The following TMEM245 variants were observed in gnomAD, a reference collection of about 807,000 sequenced individuals.
TMEM245 encodes the protein protein CG-2.
A neutral mutation model predicts 101.2 loss-of-function variants in TMEM245; 69 were observed. That is an observed-to-expected ratio of 0.68 (90% CI 0.56 to 0.83). The LOEUF (loss-of-function observed/expected upper bound fraction) is 0.83, where lower values mean the gene tolerates loss of function less well. TMEM245 is among the 40% of genes least tolerant of loss of function. The probability of loss-of-function intolerance (pLI) is 0.00; values close to 1 mark genes in which losing one functional copy is unlikely to be tolerated. For synonymous variants in TMEM245, 537 were observed against 449.8 expected (o/e 1.19, Z -2.45); for missense variants, 1,075 against 1,092.8 (o/e 0.98, Z 0.23).
rs1339630337 is a variant in TMEM245, at chr9:109,020,244, C to T, written c.*216G>A. On this transcript the variant is annotated 3_prime_UTR_variant, in exon 18 of 18. Coordinates refer to ENST00000374586, the MANE Select transcript of TMEM245 (RefSeq NM_032012.4). ...CTTAACAACAGTTAAGTGAGCAAAC[C>T]ACCAACTCTGAACTCTCAAGCTGTG... is the stretch of plus-strand genomic sequence containing the variant. 7 of 601,844 alleles carry T rather than the reference C, an allele frequency of 1.2e-5. No homozygotes were observed. The highest frequency in any genetic ancestry group is 7.5e-5 in the African/African-American group (4 of 53,508). 37.3% of individuals were successfully genotyped at this position (601,844 alleles called of 1,614,324 possible).
intron 7 of TMEM245, among the ~76,000 whole-genome samples, chr9:109,083,342 G>A (rs551294537): frequency 6.6e-6 from 1 of 152,306 alleles, no homozygotes; most frequent in African/African-American, 2.4e-5. Context: ...ATCTCACGAG[G>A]CTGATCCTGT....
At chr9:109,113,463 A>G (rs781511529) in intron 1 of TMEM245, among the ~76,000 whole-genome samples, 1 of 152,220 alleles carries the variant, frequency 6.6e-6, no homozygotes, top group Admixed American at 6.5e-5. Flanking sequence ...CCAAAACAAC[A>G]TGTCCTTTTC....
Position 109,057,247 on chromosome 9 carries a change from G to C in TMEM245, c.1798C>G (p.Leu600Val), listed in dbSNP as rs1223483563. The C allele has an allele frequency of 6.2e-7, 1 of 1,614,104 alleles. No individual in the cohort carries two copies. The highest frequency in any genetic ancestry group is 1.1e-5 in the South Asian group (1 of 91,072). The change falls in exon 12 of 18, where the codon CTG (leucine) becomes GTG (valine). Residue 600 changes from leucine (L) to valine (V), a missense_variant. By Grantham distance (32) the Leu-to-Val change is conservative (BLOSUM62 1). Coordinates refer to ENST00000374586, the MANE Select transcript of TMEM245 (RefSeq NM_032012.4). ...SRQNSWLGDI[L>V]DWQDIVSFVH... ...AAGGAAACAATATCCTGCCAGTCCAGAATGTCTCCCAGCCAGCTATTCTGA... is the reference window on the plus strand; with the variant it reads ...AAGGAAACAATATCCTGCCAGTCCACAATGTCTCCCAGCCAGCTATTCTGA...
Position 109,119,672 on chromosome 9 carries a change from A to AG in TMEM245, c.241dup (p.Leu81ProfsTer134). ...TAGCACGGCCCAGAGCAGCGGCCGC[A>AG]GGAAGGCCTCCAGGATGAAGTAGAC... On this transcript the variant is annotated frameshift_variant, in exon 1 of 18. Coordinates refer to ENST00000374586, the MANE Select transcript of TMEM245 (RefSeq NM_032012.4). LOFTEE classifies it high-confidence loss of function. 6.4e-7 allele frequency: 1 copy of AG among 1,556,522 alleles called. No homozygotes were observed. Among genetic ancestry groups the AG allele is most frequent in the Non-Finnish European group, 8.7e-7 (1 of 1,152,974 alleles).
chr9:109,049,616 T>G (rs529073943), intron 14 of TMEM245, among the ~76,000 whole-genome samples: 2 of 152,164 alleles, frequency 1.3e-5, no homozygotes, highest in South Asian at 4.2e-4. Context: ...CACTTAAGGT[T>G]AGGAGTTTGA....
chr9:109,061,743 A>G (rs1374153169), intron 10 of TMEM245, among the ~76,000 whole-genome samples: 1 of 151,780 alleles, frequency 6.6e-6, no homozygotes, highest in Non-Finnish European at 1.5e-5. Context: ...TAATTTTTGT[A>G]TTTTTAGTAG....
chr9:109,075,955 T>A (rs1481203508), intron 8 of TMEM245, among the ~76,000 whole-genome samples: 1 of 152,226 alleles, frequency 6.6e-6, no homozygotes, highest in African/African-American at 2.4e-5. Context: ...TTTTCCTTTT[T>A]CAAATATAAG....
intron 5 of TMEM245, among the ~76,000 whole-genome samples, chr9:109,088,089 A>G (rs1453940899): frequency 2.6e-5 from 4 of 152,194 alleles, no homozygotes; most frequent in African/African-American, 9.6e-5. Context: ...GGCCAGAAAG[A>G]AGTGTTACTC....
chr9:109,085,222 T>C (rs754622152), intron 7 of TMEM245, among the ~76,000 whole-genome samples: 10 of 152,250 alleles, frequency 6.6e-5, no homozygotes, highest in Non-Finnish European at 1.2e-4. Context: ...CCTTCTGCCC[T>C]AGCATCCTGG....
In TMEM245 at chr9:109,119,935, CCCGA is replaced by C; in HGVS notation, c.-26_-23del. 1 of 1,292,456 alleles carries C rather than the reference CCCGA, an allele frequency of 7.7e-7. No individual in the cohort carries two copies. The highest frequency in any genetic ancestry group is 9.8e-7 in the Non-Finnish European group (1 of 1,024,216). The allele number at this position is 1,292,456 out of a possible 1,614,324, so 80.1% of individuals were successfully genotyped here. A position where few individuals can be genotyped will look rare whatever the true frequency, so the allele number is the denominator to read the frequency against. On this transcript the variant is annotated 5_prime_UTR_variant, in exon 1 of 18. Coordinates refer to ENST00000374586, the MANE Select transcript of TMEM245 (RefSeq NM_032012.4). ...CCATCGTTCCTCCGCCACAGCCGCCCCCGAGGGGCGGTAATGGGAGTCGGGCTAG... is the reference window on the plus strand; with the variant it reads ...CCATCGTTCCTCCGCCACAGCCGCCCGGGGCGGTAATGGGAGTCGGGCTAG...
intron 8 of TMEM245, among the ~76,000 whole-genome samples, chr9:109,080,638 T>C (rs989153622): frequency 1.3e-5 from 2 of 152,080 alleles, no homozygotes; most frequent in African/African-American, 2.4e-5. Flanking sequence ...TAAAAATGCA[T>C]GTAAAAGAGG....
intron 1 of TMEM245, among the ~76,000 whole-genome samples, chr9:109,112,216 G>A (rs976484919): frequency 6.6e-6 from 1 of 152,034 alleles, no homozygotes; most frequent in African/African-American, 2.4e-5. Context: ...GGGGGAGGGG[G>A]AGAAAAAAGA....
chr9:109,113,191 T>C (rs1302290436), intron 1 of TMEM245, among the ~76,000 whole-genome samples: 1 of 152,234 alleles, frequency 6.6e-6, no homozygotes, highest in Non-Finnish European at 1.5e-5. Flanking sequence ...TGGGTCAACA[T>C]TTTGAATCAC....
At chr9:109,118,471 G>A (rs551542969) in intron 1 of TMEM245, among the ~76,000 whole-genome samples, 1 of 152,272 alleles carries the variant, frequency 6.6e-6, no homozygotes, top group East Asian at 1.9e-4. Context: ...TTAAATATGT[G>A]GATAATTAAC....
In TMEM245 at chr9:109,119,847, C is replaced by T. The variant is rs921053387; in HGVS notation, c.67G>A (p.Val23Ile). Residue 23 changes from valine to isoleucine, a missense_variant, in exon 1 of 18, where the codon GTC becomes ATC. Transcript: ENST00000374586. ...CCACTCGGCCCGACCGCGCGCGGGA[C>T]CCGCGGCGCCGGCCCGGGAGAGCTC... Reference protein sequence around the residue: ...LRSSPGPAPRVPRAVGPSGGG... With the variant: ...LRSSPGPAPRIPRAVGPSGGG... 5.3e-6 allele frequency: 7 copies of T among 1,331,570 alleles called. No homozygotes were observed. The highest frequency in any genetic ancestry group is 5.7e-6 in the Non-Finnish European group (6 of 1,051,412). The allele number at this position is 1,331,570 out of a possible 1,614,324, so 82.5% of individuals were successfully genotyped here.
intron 3 of TMEM245, among the ~76,000 whole-genome samples, chr9:109,104,741 T>C (rs1004750193): frequency 1.3e-5 from 2 of 152,184 alleles, no homozygotes; most frequent in African/African-American, 2.4e-5. Context: ...CATATATATA[T>C]GGTCAACTGA....
intron 10 of TMEM245, among the ~76,000 whole-genome samples, chr9:109,062,800 G>A (rs573904517): frequency 6.6e-6 from 1 of 152,162 alleles, no homozygotes; most frequent in African/African-American, 2.4e-5. Flanking sequence ...GTGAAACCAC[G>A]TCTCTATAAA....
chr9:109,101,950 C>T (rs1266811632), intron 3 of TMEM245, among the ~76,000 whole-genome samples: 3 of 152,302 alleles, frequency 2.0e-5, no homozygotes, highest in South Asian at 4.1e-4. Context: ...TTGGTTTAGA[C>T]TTGCATTACT....
intron 4 of TMEM245, 151 bp downstream of exon 4, chr9:109,093,324 G>A: frequency 1.6e-6 from 1 of 633,682 alleles, no homozygotes; most frequent in Non-Finnish European, 2.7e-6. Flanking sequence ...AAAGATGAGA[G>A]GGAAAAGGGC....
Sources: gnomAD v4.1 joint callset for allele counts (sites outside exome capture counted in the v4.1 genomes callset) on GRCh38, gnomAD v4.1.1 for gene constraint, MANE v1.5 for transcripts, NCBI Gene and HGNC (gene_info 2026-07-23, HGNC 2026-07-21) for gene names.